The following UVRAG variants were observed in gnomAD, a reference collection of about 807,000 sequenced individuals.
UVRAG encodes UV radiation resistance-associated gene protein.
A neutral mutation model predicts 78.0 loss-of-function variants in UVRAG; 19 were observed. The observed-to-expected ratio is 0.24, with a 90% CI of 0.17 to 0.36. The LOEUF is 0.36. UVRAG is among the 10% of genes least tolerant of loss of function. The pLI is 1.00. For synonymous variants in UVRAG, 323 were observed against 324.6 expected, an observed-to-expected ratio of 1.00 and a Z score of 0.05; for missense variants, 740 against 853.8, an observed-to-expected ratio of 0.87 and a Z score of 1.66.
intron 3 of UVRAG, among the ~76,000 whole-genome samples, chr11:75,871,116 C>G (rs937796666): frequency 2.6e-5 from 4 of 152,114 alleles, no homozygotes; most frequent in African/African-American, 9.7e-5. Flanking sequence ...TCAGGTGATT[C>G]GCCCACCTCG....
At chr11:75,910,213 G>A (rs1947705308) in intron 5 of UVRAG, among the ~76,000 whole-genome samples, 1 of 152,168 alleles carries the variant, frequency 6.6e-6, no homozygotes, top group Admixed American at 6.5e-5. Flanking sequence ...TTAAATGTCT[G>A]TAGTGATATA....
chr11:75,915,885 G>A (rs768195522), intron 6 of UVRAG, among the ~76,000 whole-genome samples: 14 of 152,124 alleles, frequency 9.2e-5, no homozygotes, highest in Non-Finnish European at 1.6e-4. Flanking sequence ...TTCTAACCAT[G>A]GTGTCAGTGT....
At chr11:75,917,869 T>A (rs1947892152) in intron 6 of UVRAG, among the ~76,000 whole-genome samples, 1 of 152,220 alleles carries the variant, frequency 6.6e-6, no homozygotes, top group African/African-American at 2.4e-5. Context: ...TCTTTGTTTT[T>A]AATCTGTATT....
At chr11:75,930,982 T>TCTTTCTTC (rs1484646977) in intron 6 of UVRAG, 1 of 151,662 alleles carries the variant, frequency 6.6e-6, no homozygotes, top group Non-Finnish European at 1.5e-5. Context: ...TTTCTTTCTT[T>TCTTTCTTC]CTTTCCATTT....
At position 76,143,241 on chromosome 11, in the gene UVRAG, G is replaced by A. The variant is rs1051960932; in HGVS notation, c.*1828G>A. 2.0e-5 allele frequency: 3 copies of A among 152,168 alleles called. No homozygotes were observed. The highest frequency in any genetic ancestry group is 2.9e-5 in the Non-Finnish European group (2 of 68,050). The allele number at this position is 152,168 out of a possible 1,614,324, so 9.4% of individuals were successfully genotyped here. A position where few individuals can be genotyped will look rare whatever the true frequency, so the allele number is the denominator to read the frequency against. ...GATTGCAGAATGGAAGGTCAACCCC[G>A]TGGGACTTACGATTGCCCCAGGTGC... is the stretch of plus-strand genomic sequence containing the variant. On this transcript the variant is annotated 3_prime_UTR_variant, in exon 15 of 15. Coordinates refer to ENST00000356136, the MANE Select transcript of UVRAG (RefSeq NM_003369.4).
chr11:75,954,322 T>C (rs1948755772), intron 6 of UVRAG, among the ~76,000 whole-genome samples: 1 of 152,220 alleles, frequency 6.6e-6, no homozygotes, highest in African/African-American at 2.4e-5. Flanking sequence ...ATCATTTTTA[T>C]TTTTAAAGTC....
At chr11:75,862,059 A>C (rs923705508) in intron 3 of UVRAG, among the ~76,000 whole-genome samples, 2 of 152,192 alleles carry the variant, frequency 1.3e-5, no homozygotes, top group Admixed American at 6.5e-5. Flanking sequence ...CGTTGTGTAC[A>C]TGTACCCTAA....
At chr11:76,008,035 G>A (rs983732152) in intron 10 of UVRAG, among the ~76,000 whole-genome samples, 2 of 151,920 alleles carry the variant, frequency 1.3e-5, no homozygotes, top group Non-Finnish European at 2.9e-5. Context: ...AGCCTCCCGA[G>A]TAGCTGGGAC....
chr11:75,860,790 TTTC>T (rs1359621988), intron 2 of UVRAG, among the ~76,000 whole-genome samples: 1 of 145,782 alleles, frequency 6.9e-6, no homozygotes, highest in Non-Finnish European at 1.5e-5. Context: ...TTTCTTTTCT[TTTC>T]TTTTTTTTTT....
intron 13 of UVRAG, among the ~76,000 whole-genome samples, chr11:76,073,645 G>A (rs1006127422): frequency 6.6e-6 from 1 of 152,116 alleles, no homozygotes; most frequent in Non-Finnish European, 1.5e-5. Context: ...ATTGTATAAT[G>A]CTATGAAATC....
intron 1 of UVRAG, among the ~76,000 whole-genome samples, chr11:75,824,557 T>C (rs200840712): frequency 4.6e-5 from 7 of 152,098 alleles, no homozygotes; most frequent in East Asian, 3.8e-4. Context: ...GTGAAACGTA[T>C]GGTAGAATGA....
intron 8 of UVRAG, among the ~76,000 whole-genome samples, chr11:76,000,642 A>T (rs1204374841): frequency 2.6e-5 from 4 of 152,088 alleles, no homozygotes; most frequent in African/African-American, 9.7e-5. Context: ...AAAAGAAAAA[A>T]GTTAGATAGA....
chr11:76,087,591 T>C (rs532406142), intron 13 of UVRAG, among the ~76,000 whole-genome samples: 52 of 152,312 alleles, frequency 3.4e-4, no homozygotes, highest in Non-Finnish European at 5.3e-4. Flanking sequence ...AATGAGAACT[T>C]CGAAGCTCGG....
intron 13 of UVRAG, among the ~76,000 whole-genome samples, chr11:76,098,999 A>G (rs541681933): frequency 2.4e-4 from 37 of 152,304 alleles, no homozygotes; most frequent in African/African-American, 8.7e-4. Flanking sequence ...AACTTTGCTT[A>G]GAGTCTTTCT....
At chr11:76,038,313 C>T (rs559519083) in intron 12 of UVRAG, among the ~76,000 whole-genome samples, 2 of 152,150 alleles carry the variant, frequency 1.3e-5, no homozygotes, top group African/African-American at 4.8e-5. Context: ...AAATTCCATT[C>T]AGCACCTGCT....
rs1178387424 is a variant in UVRAG, at chr11:75,817,841, C to T, written c.117+2317C>T. On this transcript the variant is annotated intron_variant, in intron 1 of 14. Coordinates refer to ENST00000356136, the MANE Select transcript of UVRAG (RefSeq NM_003369.4). ...GGGGGATCACTTGAGGCCAGAAGTTCAAGACCAGCCTGGCCAACATGCTGA... is the reference window on the plus strand; with the variant it reads ...GGGGGATCACTTGAGGCCAGAAGTTTAAGACCAGCCTGGCCAACATGCTGA... 2.0e-5 allele frequency among the ~76,000 whole-genome samples: 3 copies of T among 148,018 alleles called. No homozygotes were observed. The East Asian group carries it at 5.9e-4, about 29-fold the overall frequency.
intron 13 of UVRAG, among the ~76,000 whole-genome samples, chr11:76,096,435 C>T (rs1951786460): frequency 6.6e-6 from 1 of 152,156 alleles, no homozygotes; most frequent in South Asian, 2.1e-4. Flanking sequence ...TTAAACCTTG[C>T]TGAGGGACCA....
rs774694080 is a variant in UVRAG, at chr11:76,007,581, A to G, written c.959A>G (p.Gln320Arg). ...GCTCAGTTGACAATTCGTTGCAGGC[A>G]GTTACTCTCTGAGCTTTCCTACATT... ...TNAQLTIRCR[Q>R]LLSELSYIYP... Residue 320 changes from glutamine (Q) to arginine (R), a missense_variant, in exon 10 of 15, where the codon CAG becomes CGG. Coordinates refer to ENST00000356136, the MANE Select transcript of UVRAG (RefSeq NM_003369.4). The G allele has an allele frequency of 6.2e-7, 1 of 1,613,986 alleles. No individual in the cohort carries two copies. The highest frequency in any genetic ancestry group is 1.1e-5 in the South Asian group (1 of 91,072).
intron 7 of UVRAG, among the ~76,000 whole-genome samples, chr11:75,967,963 A>G (rs1380556860): frequency 6.6e-6 from 1 of 152,234 alleles, no homozygotes; most frequent in African/African-American, 2.4e-5. Context: ...CTTTTGACCT[A>G]AGGCAAAAAG....
Sources: allele counts gnomAD v4.1 joint callset (sites outside exome capture counted in the v4.1 genomes callset), GRCh38; gene constraint gnomAD v4.1.1; transcripts MANE v1.5; gene names NCBI Gene and HGNC (gene_info 2026-07-23, HGNC 2026-07-21).